Variants in ADGRL3 observed in about 807,000 individuals in gnomAD.
ADGRL3 encodes the protein calcium-independent alpha-latrotoxin receptor 3.
In ADGRL3, 62 loss-of-function variants were observed where a neutral mutation model predicts 153.5. That is an observed-to-expected ratio of 0.40 (90% CI 0.33 to 0.50). The LOEUF (loss-of-function observed/expected upper bound fraction) is 0.50, where lower values mean the gene tolerates loss of function less well. Ranked by LOEUF, ADGRL3 falls within the 20% of genes least tolerant of loss-of-function variation. The pLI is 0.47. For synonymous variants in ADGRL3, 710 were observed against 672.5 expected, an observed-to-expected ratio of 1.06 and a Z score of -0.86; for missense variants, 1,641 against 1,859.4, an observed-to-expected ratio of 0.88 and a Z score of 2.16.
At chr4:61,226,304 T>A (rs1747943931) in intron 1 of ADGRL3, among the ~76,000 whole-genome samples, 1 of 152,276 alleles carries the variant, frequency 6.6e-6, no homozygotes. Context: ...AAGAAAACAC[T>A]GTGGGTTTAT....
At chr4:61,530,147 C>G (rs963446014) in intron 4 of ADGRL3, among the ~76,000 whole-genome samples, 8 of 151,908 alleles carry the variant, frequency 5.3e-5, no homozygotes, top group African/African-American at 1.9e-4. Context: ...AATATTTAGC[C>G]ACAGATTTGG....
chr4:61,208,838 G>C (rs1014152634), intron 1 of ADGRL3, among the ~76,000 whole-genome samples: 1 of 152,072 alleles, frequency 6.6e-6, no homozygotes, highest in Admixed American at 6.6e-5. Context: ...CTCTTAATCT[G>C]TTAATCACTA....
At chr4:61,713,811 G>A (rs2096052677) in intron 6 of ADGRL3, among the ~76,000 whole-genome samples, 1 of 152,032 alleles carries the variant, frequency 6.6e-6, no homozygotes, top group African/African-American at 2.4e-5. Context: ...AACAGGAAAG[G>A]CTATTCAAGG....
chr4:61,320,467 C>T (rs1347236724), intron 1 of ADGRL3, among the ~76,000 whole-genome samples: 1 of 152,154 alleles, frequency 6.6e-6, no homozygotes, highest in East Asian at 1.9e-4. Context: ...ATCTGTAGGG[C>T]AAGCCTATAG....
intron 8 of ADGRL3, among the ~76,000 whole-genome samples, chr4:61,752,562 TGA>T: frequency 1.3e-5 from 2 of 152,288 alleles, no homozygotes; most frequent in Middle Eastern, 3.4e-3. Context: ...ACTTCTTACA[TGA>T]TGGTCTTATG....
At chr4:61,291,375 A>G (rs2094192181) in intron 1 of ADGRL3, among the ~76,000 whole-genome samples, 1 of 151,912 alleles carries the variant, frequency 6.6e-6, no homozygotes, top group African/African-American at 2.4e-5. Flanking sequence ...TTTATGTAGC[A>G]TTTACAATGT....
chr4:61,936,084 A>C, intron 15 of ADGRL3, 39 bp downstream of exon 15: 1 of 1,603,592 alleles, frequency 6.2e-7, no homozygotes, highest in South Asian at 1.1e-5. Context: ...AGGGAATTGA[A>C]CTTGCATCAG....
intron 5 of ADGRL3, among the ~76,000 whole-genome samples, chr4:61,658,961 T>G (rs2094517024): frequency 6.6e-6 from 1 of 152,182 alleles, no homozygotes; most frequent in Non-Finnish European, 1.5e-5. Context: ...CTAGAAGTGC[T>G]AAGGTATCAG....
chr4:61,516,817 T>C (rs2098498471), intron 3 of ADGRL3, among the ~76,000 whole-genome samples: 1 of 152,034 alleles, frequency 6.6e-6, no homozygotes, highest in African/African-American at 2.4e-5. Context: ...TAACCATACA[T>C]CAAACAAAAC....
At chr4:62,000,701 A>C (rs1004279573) in intron 21 of ADGRL3, among the ~76,000 whole-genome samples, 1 of 152,172 alleles carries the variant, frequency 6.6e-6, no homozygotes, top group African/African-American at 2.4e-5. Context: ...CTTTTTAAAA[A>C]ATTTAGTAAA....
At chr4:61,771,004 T>G (rs1034228663) in intron 8 of ADGRL3, among the ~76,000 whole-genome samples, 1 of 152,164 alleles carries the variant, frequency 6.6e-6, no homozygotes, top group Non-Finnish European at 1.5e-5. Context: ...GCAGAATTTA[T>G]TAAGCAAAAG....
intron 9 of ADGRL3, among the ~76,000 whole-genome samples, chr4:61,862,902 G>C (rs1248850094): frequency 6.6e-6 from 1 of 152,122 alleles, no homozygotes; most frequent in Non-Finnish European, 1.5e-5. Context: ...TTTTGAGGGG[G>C]TGGGGGTGAA....
intron 2 of ADGRL3, among the ~76,000 whole-genome samples, chr4:61,473,163 T>A (rs555512100): frequency 6.6e-6 from 1 of 151,818 alleles, no homozygotes; most frequent in Non-Finnish European, 1.5e-5. Flanking sequence ...GTTGATAAGG[T>A]GAGAATTTCG....
At chr4:61,880,845 T>G (rs1024543090) in intron 9 of ADGRL3, among the ~76,000 whole-genome samples, 3 of 152,174 alleles carry the variant, frequency 2.0e-5, no homozygotes, top group African/African-American at 2.4e-5. Context: ...AATGAAATGT[T>G]TAATGGCCTC....
Position 61,641,676 on chromosome 4 carries a change from C to T in ADGRL3, c.474-35150C>T, listed in dbSNP as rs1221583375. Among the ~76,000 whole-genome samples the T allele has an allele frequency of 2.0e-5, 3 of 151,990 alleles. No homozygotes were observed. In the East Asian group the frequency reaches 5.8e-4, roughly 29 times the overall value. On this transcript the variant is annotated intron_variant, in intron 5 of 26. Coordinates refer to ENST00000683033, the MANE Select transcript of ADGRL3 (RefSeq NM_001387552.1). ...GTATATGTGCCACATTTTCTTAATCCAGTCTATCACTGTTGGACATTTGGG... is the reference window on the plus strand; with the variant it reads ...GTATATGTGCCACATTTTCTTAATCTAGTCTATCACTGTTGGACATTTGGG...
At chr4:61,677,342 C>A in intron 6 of ADGRL3, 1 of 379,234 alleles carries the variant, frequency 2.6e-6, no homozygotes. Context: ...ATCTAAGCTT[C>A]ATCTGCTGTC....
intron 4 of ADGRL3, among the ~76,000 whole-genome samples, chr4:61,558,173 C>CATATATATATATATATATAT (rs33947698): frequency 2.6e-4 from 33 of 129,028 alleles, no homozygotes; most frequent in African/African-American, 7.6e-4. Flanking sequence ...ATGTAGGAAT[C>CATATATATATATATATATAT]ATATATATAT....
chr4:61,711,036 C>T lies in ADGRL3; in HGVS notation c.584-19586C>T, dbSNP rs184904284. Among the ~76,000 whole-genome samples, 12 of 152,188 alleles carry T rather than the reference C, an allele frequency of 7.9e-5. No homozygotes were observed. In the East Asian group the frequency reaches 2.3e-3, roughly 29 times the overall value. On this transcript the variant is annotated intron_variant, in intron 6 of 26. Coordinates refer to ENST00000683033, the MANE Select transcript of ADGRL3 (RefSeq NM_001387552.1). ...TGGCACATTTATAAAGGATTTGTAGCACATTATAAATTATGTAGTTGTGGG... is the reference window on the plus strand; with the variant it reads ...TGGCACATTTATAAAGGATTTGTAGTACATTATAAATTATGTAGTTGTGGG...
rs113020787 is a variant in ADGRL3 at position 61,694,123 on chromosome 4, CATTAT to C, written c.583+17196_583+17200del. On this transcript the variant is annotated intron_variant, in intron 6 of 26. Coordinates refer to ENST00000683033, the MANE Select transcript of ADGRL3 (RefSeq NM_001387552.1). ...ATATTTTATCTGCAACTCAGGCACCCATTATATTATATCATGCTATTTTTCTGTCC... is the reference window on the plus strand; with the variant it reads ...ATATTTTATCTGCAACTCAGGCACCCATTATATCATGCTATTTTTCTGTCC... 1.7e-4 allele frequency among the ~76,000 whole-genome samples: 25 copies of C among 150,006 alleles called. 2 individuals are homozygous for C. Among genetic ancestry groups the C allele is most frequent in the African/African-American group, 5.9e-4 (24 of 40,808 alleles).
Sources: allele counts gnomAD v4.1 joint callset (sites outside exome capture counted in the v4.1 genomes callset), GRCh38; gene constraint gnomAD v4.1.1; transcripts MANE v1.5; gene names NCBI Gene and HGNC (gene_info 2026-07-23, HGNC 2026-07-21).